The following EXOC1L variants were observed in gnomAD, a reference collection of about 807,000 sequenced individuals.
The protein encoded by EXOC1L is exocyst complex component 1-like.
A neutral mutation model predicts 4.9 loss-of-function variants in EXOC1L; 10 were observed. The ratio of observed to expected loss-of-function variants is 2.02; its 90% CI spans 1.25 to 3.43. The LOEUF (loss-of-function observed/expected upper bound fraction) is 3.43. EXOC1L is among the 30% of genes most tolerant of loss of function. EXOC1L has a pLI of 0.00. For synonymous variants in EXOC1L, 41 were observed against 20.8 expected (o/e 1.97, Z -2.63); for missense variants, 114 against 59.4 (o/e 1.92, Z -3.02).
intron 1 of EXOC1L, among the ~76,000 whole-genome samples, chr4:55,827,484 C>T (rs1376788239): frequency 6.6e-6 from 1 of 152,180 alleles, no homozygotes; most frequent in African/African-American, 2.4e-5. Flanking sequence ...TCCCTACAAT[C>T]TCAGTGACAG....
In EXOC1L at chr4:55,824,894, G is replaced by A. The variant is rs375985283; in HGVS notation, c.121+4747G>A. On this transcript the variant is annotated intron_variant, in intron 1 of 2. Coordinates refer to ENST00000636125, the MANE Select transcript of EXOC1L (RefSeq NM_001351574.3). ...ACCATCATCAGTCAGTAACTTACGA[G>A]ACAGATTTTCCCAGTGGCTAATCTA... Among the ~76,000 whole-genome samples, 5 of 152,254 alleles carry A rather than the reference G, an allele frequency of 3.3e-5. No individual in the cohort carries two copies. The South Asian group carries it at 6.2e-4, about 19-fold the overall frequency.
intron 2 of EXOC1L, among the ~76,000 whole-genome samples, chr4:55,834,677 A>G (rs554301295): frequency 1.7e-4 from 26 of 151,828 alleles, no homozygotes; most frequent in African/African-American, 6.0e-4. Context: ...CTTTATGGAG[A>G]TTCTTGGCAG....
chr4:55,821,462 A>G (rs1719738802), intron 1 of EXOC1L, among the ~76,000 whole-genome samples: 2 of 152,144 alleles, frequency 1.3e-5, no homozygotes, highest in African/African-American at 4.8e-5. Flanking sequence ...TTAAAATGTA[A>G]TAATTTTGTA....
chr4:55,827,512 G>A (rs2110282454), intron 1 of EXOC1L, among the ~76,000 whole-genome samples: 1 of 152,270 alleles, frequency 6.6e-6, no homozygotes, highest in African/African-American at 2.4e-5. Context: ...GATGCCTTAT[G>A]AGATTTAATG....
chr4:55,834,040 G>A (rs1720100717), intron 2 of EXOC1L, among the ~76,000 whole-genome samples: 1 of 151,620 alleles, frequency 6.6e-6, no homozygotes, highest in Non-Finnish European at 1.5e-5. Flanking sequence ...AAATCCTTGG[G>A]GGTCAGCATT....
In EXOC1L at chr4:55,837,152, A is replaced by C. The variant is rs1221388848; in HGVS notation, c.320A>C (p.Lys107Thr). The C allele has an allele frequency of 1.4e-6, 1 of 702,082 alleles. No homozygotes were observed. The highest frequency in any genetic ancestry group is 2.7e-5 in the East Asian group (1 of 37,252). 43.5% of individuals were successfully genotyped at this position (702,082 alleles called of 1,614,324 possible). A position where few individuals can be genotyped will look rare whatever the true frequency, so the allele number is the denominator to read the frequency against. Residue 107 changes from lysine (K) to threonine (T), a missense_variant, in exon 3 of 3, where the codon AAA becomes ACA. By Grantham distance (78) the Lys-to-Thr change is moderately conservative. Transcript: ENST00000636125. ...TTGGAAGCATATAGCTGTGCTTCTAAATATGCCTTTGCTCGAACTGTAAAT... is the reference window on the plus strand; with the variant it reads ...TTGGAAGCATATAGCTGTGCTTCTACATATGCCTTTGCTCGAACTGTAAAT... ...YSLEAYSCASKYAFARTVNKL... is the reference protein window; with the variant it reads ...YSLEAYSCASTYAFARTVNKL...
intron 2 of EXOC1L, among the ~76,000 whole-genome samples, chr4:55,834,126 A>G (rs1471978880): frequency 1.3e-5 from 2 of 151,928 alleles, no homozygotes; most frequent in Non-Finnish European, 2.9e-5. Flanking sequence ...CATGTTTTAC[A>G]TTTACATATC....
intron 2 of EXOC1L, among the ~76,000 whole-genome samples, chr4:55,832,606 C>G (rs1720064322): frequency 6.6e-6 from 1 of 151,904 alleles, no homozygotes; most frequent in African/African-American, 2.4e-5. Context: ...TGCCAGAAAC[C>G]AAGCTAAGCT....
chr4:55,830,766 G>A (rs1720009393), intron 1 of EXOC1L, among the ~76,000 whole-genome samples: 1 of 152,154 alleles, frequency 6.6e-6, no homozygotes. Context: ...ACAATCTCGA[G>A]CAATACCAAG....
intron 2 of EXOC1L, among the ~76,000 whole-genome samples, chr4:55,834,974 C>T (rs1033796508): frequency 2.0e-5 from 3 of 151,844 alleles, no homozygotes; most frequent in South Asian, 2.1e-4. Context: ...TTATCCCTCA[C>T]TGCTCATCCT....
rs1720025169 is a variant in EXOC1L, at chr4:55,831,338, C to T, written c.126C>T (p.Thr42=). 1.6e-6 allele frequency: 1 copy of T among 641,918 alleles called. No individual in the cohort carries two copies. Among genetic ancestry groups the T allele is most frequent in the Non-Finnish European group, 2.8e-6 (1 of 359,622 alleles). The allele number at this position is 641,918 out of a possible 1,614,324, so 39.8% of individuals were successfully genotyped here. Residue 42 remains threonine (T), a synonymous_variant, in exon 2 of 3, where the codon ACC becomes ACT. Transcript: ENST00000636125. The part of the protein sequence containing the change: ...QDRYYLCVSV[T]KKEEVKIVMV... ...AAGTATTTTTCTGTCCTACAGTGAC[C>T]AAAAAGGAAGAAGTAAAAATAGTCA... is the stretch of plus-strand genomic sequence containing the variant.
chr4:55,833,026 T>G (rs889854610), intron 2 of EXOC1L, among the ~76,000 whole-genome samples: 1 of 152,022 alleles, frequency 6.6e-6, no homozygotes, highest in African/African-American at 2.4e-5. Flanking sequence ...AAAACCTTTT[T>G]AAAAAAGTTG....
chr4:55,834,166 A>C (rs1720104470), intron 2 of EXOC1L, among the ~76,000 whole-genome samples: 1 of 151,952 alleles, frequency 6.6e-6, no homozygotes, highest in Admixed American at 6.6e-5. Flanking sequence ...TATAGAGAGC[A>C]ATTTTGAGCC....
chr4:55,837,166 C>A lies in EXOC1L; in HGVS notation c.334C>A (p.Arg112=). 1.4e-6 allele frequency: 1 copy of A among 701,938 alleles called. No individual in the cohort carries two copies. The highest frequency in any genetic ancestry group is 2.6e-6 in the Non-Finnish European group (1 of 384,290). 43.5% of individuals were successfully genotyped at this position (701,938 alleles called of 1,614,324 possible). The part of the protein sequence containing the change: ...YSCASKYAFA[R]TVNKLNHAYL... ...CTGTGCTTCTAAATATGCCTTTGCT[C>A]GAACTGTAAATAAGCTGAATCATGC... Residue 112 remains arginine, a synonymous_variant, in exon 3 of 3, where the codon CGA becomes AGA. Transcript: ENST00000636125.
chr4:55,834,581 T>C (rs1720114203), intron 2 of EXOC1L, among the ~76,000 whole-genome samples: 1 of 151,974 alleles, frequency 6.6e-6, no homozygotes. Flanking sequence ...AGGGGTATTT[T>C]CTACCTGATG....
chr4:55,826,344 T>C (rs967401932), intron 1 of EXOC1L, among the ~76,000 whole-genome samples: 2 of 152,204 alleles, frequency 1.3e-5, no homozygotes, highest in South Asian at 4.1e-4. Context: ...CTACTGTTTT[T>C]TTCTATTCTG....
At chr4:55,822,315 C>T (rs1386101674) in intron 1 of EXOC1L, among the ~76,000 whole-genome samples, 1 of 152,162 alleles carries the variant, frequency 6.6e-6, no homozygotes, top group Non-Finnish European at 1.5e-5. Context: ...ATGTCAAAAA[C>T]TCAATTTCCC....
chr4:55,836,073 G>A (rs183268906), intron 2 of EXOC1L, among the ~76,000 whole-genome samples: 1 of 151,830 alleles, frequency 6.6e-6, no homozygotes, highest in African/African-American at 2.4e-5. Context: ...TCTATTTCCT[G>A]CCTCCTGCAA....
chr4:55,826,806 T>C (rs2110282102), intron 1 of EXOC1L, among the ~76,000 whole-genome samples: 1 of 152,350 alleles, frequency 6.6e-6, no homozygotes, highest in Non-Finnish European at 1.5e-5. Flanking sequence ...CTTTGGCTTG[T>C]GGCTAAAGAC....
Sources: allele counts gnomAD v4.1 joint callset (sites outside exome capture counted in the v4.1 genomes callset), GRCh38; gene constraint gnomAD v4.1.1; transcripts MANE v1.5; gene names NCBI Gene and HGNC (gene_info 2026-07-23, HGNC 2026-07-21).